The following BRI3BP variants were observed in gnomAD, a reference collection of about 807,000 sequenced individuals.
BRI3BP encodes BRI3-binding protein.
BRI3BP carries 7 observed loss-of-function variants against 15.8 expected under a neutral mutation model. The observed-to-expected ratio is 0.44, with a 90% confidence interval of 0.25 to 0.83. BRI3BP has a LOEUF of 0.83. Ranked by LOEUF, BRI3BP falls within the 40% of genes least tolerant of loss-of-function variation. The probability of loss-of-function intolerance (pLI) is 0.20; values close to 1 mark genes in which losing one functional copy is unlikely to be tolerated. For missense variants in BRI3BP, 320 were observed against 339.3 expected (o/e 0.94, Z 0.45); for synonymous variants, 192 against 163.5 (o/e 1.17, Z -1.33).
At chr12:125,046,607 T>C in the BRI3BP span, among the ~76,000 whole-genome samples, 2 of 152,098 alleles carry the variant, frequency 1.3e-5, no homozygotes, top group East Asian at 3.8e-4. Flanking sequence ...GAGAAAATAA[T>C]AGAAAAGGAA....
At chr12:125,045,497 C>T in the BRI3BP span, among the ~76,000 whole-genome samples, 1 of 152,106 alleles carries the variant, frequency 6.6e-6, no homozygotes, top group South Asian at 2.1e-4. Flanking sequence ...TCACGCCCGG[C>T]TAATTTTTGT....
At chr12:125,049,219 A>G in the BRI3BP span, among the ~76,000 whole-genome samples, 1 of 152,092 alleles carries the variant, frequency 6.6e-6, no homozygotes, top group African/African-American at 2.4e-5. Context: ...GCGCCGGGCC[A>G]AGAGAGCCCA....
intron 1 of BRI3BP, among the ~76,000 whole-genome samples, chr12:125,001,085 TGC>T (rs2135987684): frequency 6.7e-6 from 1 of 150,280 alleles, no homozygotes; most frequent in Admixed American, 6.9e-5. Context: ...GACGGAGTCT[TGC>T]TCTGTCACCC....
At chr12:125,034,199 A>G (rs571567754), downstream of BRI3BP, among the ~76,000 whole-genome samples, 16 of 151,654 alleles carry the variant, frequency 1.1e-4, no homozygotes, top group Admixed American at 4.6e-4. Context: ...GGCATGTGCC[A>G]CCACACCCAG....
the BRI3BP span, among the ~76,000 whole-genome samples, chr12:125,037,661 A>G: frequency 1.5e-3 from 226 of 151,822 alleles, 1 homozygote; most frequent in African/African-American, 5.3e-3. Flanking sequence ...AATACAAAAA[A>G]ATTAGCTGGG....
intron 2 of BRI3BP, among the ~76,000 whole-genome samples, chr12:125,013,607 G>A (rs1955215429): frequency 1.3e-5 from 2 of 152,212 alleles, no homozygotes. Flanking sequence ...GGCTAATGCG[G>A]TTCTTAGCTC....
rs554527137 is a variant in BRI3BP at position 125,025,197 on chromosome 12, C to T, written c.523C>T (p.His175Tyr). Residue 175 changes from histidine to tyrosine, a missense_variant, in exon 3 of 3, where the codon CAC becomes TAC. Physicochemically the swap from His to Tyr is moderately conservative, Grantham distance 83. Transcript: ENST00000341446. ...TTCCATGTCCTGCGTGTACATCCTG[C>T]ACAAGTACGAGGGCGAGCCGGAGAA... ...LFSMSCVYIL[H>Y]KYEGEPENAV... 2.5e-6 allele frequency: 4 copies of T among 1,614,118 alleles called. No individual in the cohort carries two copies. Among genetic ancestry groups the T allele is most frequent in the South Asian group, 1.1e-5 (1 of 91,082 alleles).
At chr12:124,996,077 C>T (rs1483958465) in intron 1 of BRI3BP, among the ~76,000 whole-genome samples, 1 of 152,064 alleles carries the variant, frequency 6.6e-6, no homozygotes, top group African/African-American at 2.4e-5. Context: ...GCATGCCTGG[C>T]TAAGTTTTGT....
At chr12:125,041,347 C>T in the BRI3BP span, among the ~76,000 whole-genome samples, 19 of 152,246 alleles carry the variant, frequency 1.2e-4, no homozygotes, top group African/African-American at 3.9e-4. Context: ...TGAGCCACCA[C>T]GCCCAGCATT....
At chr12:124,999,259 T>C (rs886582881) in intron 1 of BRI3BP, among the ~76,000 whole-genome samples, 1 of 152,136 alleles carries the variant, frequency 6.6e-6, no homozygotes, top group African/African-American at 2.4e-5. Flanking sequence ...TTTCATGTAG[T>C]TCTGAAGGTT....
chr12:125,019,541 T>C (rs565404448), intron 2 of BRI3BP, among the ~76,000 whole-genome samples: 55 of 152,226 alleles, frequency 3.6e-4, no homozygotes, highest in African/African-American at 1.3e-3. Flanking sequence ...CAGTACGTAC[T>C]TTAATACTTC....
Position 124,993,761 on chromosome 12 carries a change from C to T in BRI3BP, c.-30C>T, listed in dbSNP as rs11549741. 40,932 of 997,342 alleles carry T rather than the reference C, an allele frequency of 0.041. 912 individuals carry two copies. The highest frequency in any genetic ancestry group is 0.076 in the Middle Eastern group (150 of 1,986). The allele number at this position is 997,342 out of a possible 1,614,324, so 61.8% of individuals were successfully genotyped here. On this transcript the variant is annotated 5_prime_UTR_variant, in exon 1 of 3. Coordinates refer to ENST00000341446, the MANE Select transcript of BRI3BP (RefSeq NM_080626.6). Reference sequence around the variant, plus strand: ...GGCCCAGCGCACGGCCCTCACCCCGCATCGCGACCCCGCGCCCCGCCGGCC... The same window carrying T: ...GGCCCAGCGCACGGCCCTCACCCCGTATCGCGACCCCGCGCCCCGCCGGCC...
intron 2 of BRI3BP, among the ~76,000 whole-genome samples, chr12:125,016,730 G>A (rs1255245732): frequency 1.3e-5 from 2 of 150,548 alleles, no homozygotes; most frequent in East Asian, 2.0e-4. Flanking sequence ...GTTTCACTAT[G>A]TTGGCCAGGC....
chr12:125,034,848 A>T (rs775598177), downstream of BRI3BP, among the ~76,000 whole-genome samples: 4 of 152,158 alleles, frequency 2.6e-5, no homozygotes, highest in Non-Finnish European at 5.9e-5. Context: ...TTGGCCTCCC[A>T]AAGTGTTGGG....
chr12:125,040,484 A>T, the BRI3BP span, among the ~76,000 whole-genome samples: 2 of 150,938 alleles, frequency 1.3e-5, no homozygotes, highest in African/African-American at 4.9e-5. Flanking sequence ...AGCTGGGATT[A>T]CAGGCATGCG....
intron 1 of BRI3BP, among the ~76,000 whole-genome samples, chr12:124,995,027 AAAAGTT>A (rs1179179761): frequency 1.3e-5 from 2 of 152,220 alleles, no homozygotes; most frequent in African/African-American, 2.4e-5. Context: ...ATCATGGCTA[AAAAGTT>A]AAAGTTTTCT....
At chr12:125,008,473 T>C (rs1203679845) in intron 1 of BRI3BP, among the ~76,000 whole-genome samples, 2 of 151,772 alleles carry the variant, frequency 1.3e-5, no homozygotes, top group South Asian at 2.1e-4. Flanking sequence ...CCACCACGCA[T>C]GGCTAATTTT....
the BRI3BP span, among the ~76,000 whole-genome samples, chr12:125,046,410 C>T: frequency 6.6e-6 from 1 of 151,932 alleles, no homozygotes; most frequent in African/African-American, 2.4e-5. Context: ...AAAAATTAGC[C>T]GGGTCTGGTG....
downstream of BRI3BP, among the ~76,000 whole-genome samples, chr12:125,035,584 G>A (rs143756420): frequency 1.2e-4 from 18 of 151,682 alleles, no homozygotes; most frequent in Non-Finnish European, 2.5e-4. Context: ...GTAGAGATGG[G>A]GTCTCACTAT....
Sources: allele counts gnomAD v4.1 joint callset (sites outside exome capture counted in the v4.1 genomes callset), GRCh38; gene constraint gnomAD v4.1.1; transcripts MANE v1.5; gene names NCBI Gene and HGNC (gene_info 2026-07-23, HGNC 2026-07-21).